RIMS4: variants seen among roughly 807,000 people sequenced by gnomAD.
RIMS4 encodes the protein regulating synaptic membrane exocytosis protein 4.
In RIMS4, 9 loss-of-function variants were observed where a neutral mutation model predicts 29.0. The ratio of observed to expected loss-of-function variants is 0.31; its 90% CI spans 0.19 to 0.54. The LOEUF is 0.54. RIMS4 is among the 20% of genes least tolerant of loss of function. RIMS4 has a pLI of 0.94. For synonymous variants in RIMS4, 130 were observed against 152.9 expected (o/e 0.85, Z 1.10); for missense variants, 193 against 365.7 (o/e 0.53, Z 3.85).
At chr20:44,786,393 G>A (rs1006402551) in intron 1 of RIMS4, among the ~76,000 whole-genome samples, 10 of 152,120 alleles carry the variant, frequency 6.6e-5, no homozygotes, top group African/African-American at 2.4e-4. Context: ...CCCAGGCAGG[G>A]CCAGTCACCC....
chr20:44,764,191 TATCCATCCATCC>T (rs145964299), intron 2 of RIMS4, among the ~76,000 whole-genome samples: 79 of 10,512 alleles, frequency 7.5e-3, no homozygotes, highest in Admixed American at 0.013. Flanking sequence ...TCCATCCATT[TATCCATCCATCC>T]ATCCATCCAC....
At chr20:44,771,496 T>C in intron 1 of RIMS4, 83 bp from the exon 2 acceptor site, 1 of 1,475,706 alleles carries the variant, frequency 6.8e-7, no homozygotes, top group South Asian at 1.3e-5. Context: ...TGGTTAGCAG[T>C]GTTTCAGCAG....
intron 1 of RIMS4, among the ~76,000 whole-genome samples, chr20:44,782,753 T>A (rs1237911115): frequency 6.6e-6 from 1 of 152,144 alleles, no homozygotes; most frequent in Non-Finnish European, 1.5e-5. Context: ...TCAAAACTTT[T>A]AAAAGAAAAG....
chr20:44,789,633 TTTAACC>T (rs1404708987), intron 1 of RIMS4, among the ~76,000 whole-genome samples: 1 of 152,172 alleles, frequency 6.6e-6, no homozygotes, highest in Non-Finnish European at 1.5e-5. Flanking sequence ...CGCAGCTCAC[TTTAACC>T]TTAAACTTCT....
Position 44,810,475 on chromosome 20 carries a change from G to C in RIMS4, c.-204C>G, listed in dbSNP as rs1189386219. 6.9e-6 allele frequency: 1 copy of C among 144,598 alleles called. No homozygotes were observed. The highest frequency in any genetic ancestry group is 1.5e-5 in the Non-Finnish European group (1 of 65,476). The allele number at this position is 144,598 out of a possible 1,614,324, so 9.0% of individuals were successfully genotyped here. A position where few individuals can be genotyped will look rare whatever the true frequency, so the allele number is the denominator to read the frequency against. On this transcript the variant is annotated 5_prime_UTR_variant, in exon 1 of 6. Transcript: ENST00000372851. The stretch of plus-strand genomic sequence containing the variant: ...CAGGAGCTGGCGGCGCGCGGAGCCC[G>C]AGGCGCGCTGTGCTGCTGGCGGCGG...
chr20:44,770,861 A>C (rs2066134125), intron 2 of RIMS4, among the ~76,000 whole-genome samples: 1 of 152,240 alleles, frequency 6.6e-6, no homozygotes, highest in African/African-American at 2.4e-5. Context: ...TTTATTTCTT[A>C]AGCAGCACTA....
chr20:44,794,529 G>A (rs551050921), intron 1 of RIMS4, among the ~76,000 whole-genome samples: 24 of 152,274 alleles, frequency 1.6e-4, no homozygotes, highest in African/African-American at 4.8e-4. Context: ...AAAGAGCTTC[G>A]TTCCAGAAAT....
rs1033022748 is a variant in RIMS4 at position 44,758,275 on chromosome 20, T to C, written c.237-91A>G. The stretch of plus-strand genomic sequence containing the variant: ...GCAGTCAACCTCCATGCAATGGATA[T>C]GCTGAAACTTCCCTCTTGGGATGGA... On this transcript the variant is annotated intron_variant, in intron 2 of 5. Coordinates refer to ENST00000372851, the MANE Select transcript of RIMS4 (RefSeq NM_182970.4). 2.6e-5 allele frequency: 21 copies of C among 815,956 alleles called. No homozygotes were observed. The African/African-American group carries it at 3.3e-4, about 13-fold the overall frequency. 50.5% of individuals were successfully genotyped at this position (815,956 alleles called of 1,614,324 possible). A position where few individuals can be genotyped will look rare whatever the true frequency, so the allele number is the denominator to read the frequency against.
intron 1 of RIMS4, among the ~76,000 whole-genome samples, chr20:44,805,579 T>C (rs1008213875): frequency 6.6e-6 from 1 of 152,032 alleles, no homozygotes; most frequent in Non-Finnish European, 1.5e-5. Flanking sequence ...GTCCTGACCA[T>C]GAAGGATATT....
At chr20:44,801,678 T>A (rs2066277913) in intron 1 of RIMS4, among the ~76,000 whole-genome samples, 1 of 152,162 alleles carries the variant, frequency 6.6e-6, no homozygotes, top group Non-Finnish European at 1.5e-5. Context: ...GATGCATTGC[T>A]CATTTTGACT....
chr20:44,782,985 T>C (rs1164552910), intron 1 of RIMS4, among the ~76,000 whole-genome samples: 1 of 152,196 alleles, frequency 6.6e-6, no homozygotes, highest in Non-Finnish European at 1.5e-5. Flanking sequence ...TGACATAACA[T>C]GTGCACAACG....
In RIMS4 at chr20:44,788,081, C is replaced by A. The variant is rs147641639; in HGVS notation, c.98-16668G>T. 2.1e-3 allele frequency among the ~76,000 whole-genome samples: 313 copies of A among 152,354 alleles called. 3 individuals are homozygous for A. Among genetic ancestry groups the A allele is most frequent in the African/African-American group, 7.2e-3 (299 of 41,576 alleles). ...GGCAGAATTGAAATTAACCACAGATCTAGCTGGCTCCAGACCTCAGTCTCT... is the reference window on the plus strand; with the variant it reads ...GGCAGAATTGAAATTAACCACAGATATAGCTGGCTCCAGACCTCAGTCTCT... On this transcript the variant is annotated intron_variant, in intron 1 of 5. Transcript: ENST00000372851.
At position 44,752,217 on chromosome 20, in the gene RIMS4, G is replaced by A. The variant is rs2066036426; in HGVS notation, c.*3917C>T. ...CTGCTCCAGATGTGGGGCCCTCCCA[G>A]AGGGCCTCGGAGACACCATAGGGGA... On this transcript the variant is annotated 3_prime_UTR_variant, in exon 6 of 6. Coordinates refer to ENST00000372851, the MANE Select transcript of RIMS4 (RefSeq NM_182970.4). The A allele has an allele frequency of 6.6e-6, 1 of 152,286 alleles. No individual in the cohort carries two copies. The highest frequency in any genetic ancestry group is 6.5e-5 in the Admixed American group (1 of 15,290). The allele number at this position is 152,286 out of a possible 1,614,324, so 9.4% of individuals were successfully genotyped here.
chr20:44,806,174 G>A (rs2066297990), intron 1 of RIMS4, among the ~76,000 whole-genome samples: 1 of 152,174 alleles, frequency 6.6e-6, no homozygotes, highest in Non-Finnish European at 1.5e-5. Flanking sequence ...ATCAGAGCTG[G>A]CTGCTCCAGC....
chr20:44,798,411 T>C (rs1314871265), intron 1 of RIMS4, among the ~76,000 whole-genome samples: 1 of 152,172 alleles, frequency 6.6e-6, no homozygotes, highest in African/African-American at 2.4e-5. Context: ...CCGAATGTAA[T>C]GACTATGCCC....
rs80240275 is a variant in RIMS4 at position 44,774,868 on chromosome 20, C to T, written c.98-3455G>A. 6.4e-3 allele frequency among the ~76,000 whole-genome samples: 971 copies of T among 152,212 alleles called. 11 individuals carry two copies. Among genetic ancestry groups the T allele is most frequent in the African/African-American group, 0.022 (917 of 41,540 alleles). On this transcript the variant is annotated intron_variant, in intron 1 of 5. Transcript: ENST00000372851. ...CTTGCGTCTGCTGCCTCTCCATCCT[C>T]GGGCCCTTTCTAGTTCTCCCACCTC...
chr20:44,759,567 T>C (rs2066075406), intron 2 of RIMS4, among the ~76,000 whole-genome samples: 1 of 152,212 alleles, frequency 6.6e-6, no homozygotes, highest in African/African-American at 2.4e-5. Flanking sequence ...CCCAAGAGGT[T>C]GGCTTTTGAT....
chr20:44,775,053 C>T (rs934326078), intron 1 of RIMS4, among the ~76,000 whole-genome samples: 10 of 152,202 alleles, frequency 6.6e-5, no homozygotes, highest in South Asian at 2.1e-4. Context: ...ACCCAGCTCC[C>T]GGGCCCTGAA....
chr20:44,774,974 T>A (rs2066153344), intron 1 of RIMS4, among the ~76,000 whole-genome samples: 2 of 152,132 alleles, frequency 1.3e-5, no homozygotes, highest in Non-Finnish European at 2.9e-5. Context: ...TCAGTGTGGC[T>A]CCAGCCCATC....
Sources: gnomAD v4.1 joint callset for allele counts (sites outside exome capture counted in the v4.1 genomes callset) on GRCh38, gnomAD v4.1.1 for gene constraint, MANE v1.5 for transcripts, NCBI Gene and HGNC (gene_info 2026-07-23, HGNC 2026-07-21) for gene names.